Variants in RBFOX3 observed in about 807,000 individuals in gnomAD.
RBFOX3 encodes the protein RNA binding protein fox-1 homolog 3.
A neutral mutation model predicts 48.7 loss-of-function variants in RBFOX3; 17 were observed. That is an observed-to-expected ratio of 0.35 (90% CI 0.24 to 0.52). The LOEUF (loss-of-function observed/expected upper bound fraction) is 0.52. RBFOX3 is among the 20% of genes least tolerant of loss of function. RBFOX3 has a pLI of 0.94. For synonymous variants in RBFOX3, 212 were observed against 209.5 expected, an observed-to-expected ratio of 1.01 and a Z score of -0.10; for missense variants, 382 against 497.5, an observed-to-expected ratio of 0.77 and a Z score of 2.21.
chr17:79,388,166 TAGC>T (rs951537630), intron 2 of RBFOX3, among the ~76,000 whole-genome samples: 2 of 152,140 alleles, frequency 1.3e-5, no homozygotes, highest in South Asian at 2.1e-4. Flanking sequence ...GCATGTGTGT[TAGC>T]AGCTCTCTGA....
At chr17:79,614,361 G>A (rs1006841041), upstream of RBFOX3, among the ~76,000 whole-genome samples, 54 of 152,290 alleles carry the variant, frequency 3.5e-4, no homozygotes, top group South Asian at 2.1e-3. Context: ...GCAGGAGGCC[G>A]GAAGAATCTC....
the RBFOX3 span, among the ~76,000 whole-genome samples, chr17:79,652,232 A>G: frequency 6.6e-6 from 1 of 152,210 alleles, no homozygotes; most frequent in Non-Finnish European, 1.5e-5. Context: ...GAATCCATTA[A>G]TATTGTCACA....
At position 79,362,479 on chromosome 17, in the gene RBFOX3, C is replaced by T. The variant is rs115220784; in HGVS notation, c.-174-54655G>A. On this transcript the variant is annotated intron_variant, in intron 2 of 14. Transcript: ENST00000693108. This position sits in a 1 kb window ranked among gnomAD's most constrained non-coding sequence, Gnocchi z 4.2. Reference sequence around the variant, plus strand: ...GGCGGTGGGCGTGGAAGGCCACCTGCGCTGGGCCTGGATGGCACTAGGCTG... The same window carrying T: ...GGCGGTGGGCGTGGAAGGCCACCTGTGCTGGGCCTGGATGGCACTAGGCTG... Among the ~76,000 whole-genome samples the T allele has an allele frequency of 4.5e-3, 686 of 152,134 alleles. 5 individuals carry two copies. Among genetic ancestry groups the T allele is most frequent in the African/African-American group, 0.016 (647 of 41,498 alleles).
In RBFOX3 at chr17:79,095,496, C is replaced by A; in HGVS notation, c.998+17G>T. 1 of 1,550,064 alleles carries A rather than the reference C, an allele frequency of 6.5e-7. No homozygotes were observed. The highest frequency in any genetic ancestry group is 8.7e-7 in the Non-Finnish European group (1 of 1,145,814). ...CTCCCCACCCTGCTCCAGAACAGTG[C>A]TGGCCCCCGGCCTCACCTGTCGCTG... On this transcript the variant is annotated intron_variant, in intron 13 of 14. Coordinates refer to ENST00000693108, the MANE Select transcript of RBFOX3 (RefSeq NM_001350451.2).
chr17:79,148,628 A>T (rs1338939096), intron 4 of RBFOX3, among the ~76,000 whole-genome samples: 1 of 152,228 alleles, frequency 6.6e-6, no homozygotes, highest in Non-Finnish European at 1.5e-5. Context: ...GGGCCACCTT[A>T]CAGGTTGTTG....
intron 2 of RBFOX3, among the ~76,000 whole-genome samples, chr17:79,469,248 A>G (rs2076758812): frequency 6.6e-6 from 1 of 152,194 alleles, no homozygotes; most frequent in Non-Finnish European, 1.5e-5. Flanking sequence ...CAAGGACTCA[A>G]GCCAGATGAA....
chr17:79,278,801 T>C (rs765378276), intron 3 of RBFOX3, among the ~76,000 whole-genome samples: 2 of 152,198 alleles, frequency 1.3e-5, no homozygotes, highest in South Asian at 2.1e-4. Flanking sequence ...GGGCACATGA[T>C]GCCAGAACGG....
intron 1 of RBFOX3, among the ~76,000 whole-genome samples, chr17:79,548,226 C>T (rs2090725503): frequency 6.6e-6 from 1 of 152,190 alleles, no homozygotes; most frequent in Non-Finnish European, 1.5e-5. Context: ...TCCCGGAGTC[C>T]ACCCAGGAGG....
At chr17:79,144,374 G>A (rs1452058322) in intron 4 of RBFOX3, among the ~76,000 whole-genome samples, 1 of 91,108 alleles carries the variant, frequency 1.1e-5, no homozygotes, top group African/African-American at 3.9e-5. Flanking sequence ...GGCGGGAGAC[G>A]CCTACCACAG....
the RBFOX3 span, among the ~76,000 whole-genome samples, chr17:79,636,247 T>C: frequency 6.6e-6 from 1 of 152,118 alleles, no homozygotes; most frequent in Admixed American, 6.5e-5. Context: ...TAAAATTCCA[T>C]TTATGTAGAG....
intron 4 of RBFOX3, among the ~76,000 whole-genome samples, chr17:79,137,197 G>A (rs112213491): frequency 7.2e-5 from 11 of 151,832 alleles, no homozygotes; most frequent in South Asian, 2.1e-4. Flanking sequence ...GTGCACACAC[G>A]CAGGCCTCGT....
intron 4 of RBFOX3, among the ~76,000 whole-genome samples, chr17:79,230,129 G>A (rs576462282): frequency 5.9e-5 from 9 of 152,322 alleles, no homozygotes; most frequent in East Asian, 1.9e-4. Flanking sequence ...ACAGTGACAC[G>A]CAGTGATGAT....
intron 4 of RBFOX3, among the ~76,000 whole-genome samples, chr17:79,206,530 G>A (rs1202678052): frequency 1.4e-5 from 2 of 142,994 alleles, no homozygotes; most frequent in Non-Finnish European, 3.1e-5. Context: ...GTACAGGGGT[G>A]CAAGAAGTGG....
At chr17:79,537,890 G>C (rs1450334152) in intron 1 of RBFOX3, among the ~76,000 whole-genome samples, 3 of 152,192 alleles carry the variant, frequency 2.0e-5, no homozygotes, top group African/African-American at 7.2e-5. Flanking sequence ...GAGCTGATGG[G>C]GGTGGGGGAG....
At position 79,212,144 on chromosome 17, in the gene RBFOX3, C is replaced by A. The variant is rs565086429; in HGVS notation, c.-34+23622G>T. ...TGGGCATCTTCGACCATGCCAGGGACAAGACAGCAGAAAAATGGCCCCAGG... is the reference window on the plus strand; with the variant it reads ...TGGGCATCTTCGACCATGCCAGGGAAAAGACAGCAGAAAAATGGCCCCAGG... On this transcript the variant is annotated intron_variant, in intron 4 of 14. Transcript: ENST00000693108. The surrounding 1 kb of genome is among the most constrained non-coding windows in gnomAD (Gnocchi z 4.7). 1.0e-3 allele frequency among the ~76,000 whole-genome samples: 158 copies of A among 152,342 alleles called. 1 individual carries two copies. The highest frequency in any genetic ancestry group is 1.6e-3 in the Non-Finnish European group (112 of 68,030).
chr17:79,282,394 G>C (rs947946880), intron 3 of RBFOX3, among the ~76,000 whole-genome samples: 1 of 152,240 alleles, frequency 6.6e-6, no homozygotes, highest in Non-Finnish European at 1.5e-5. Flanking sequence ...TTTTAGAAAA[G>C]GGTTCTTTTC....
chr17:79,425,228 C>T (rs1358525839), intron 2 of RBFOX3, among the ~76,000 whole-genome samples: 3 of 152,200 alleles, frequency 2.0e-5, no homozygotes, highest in East Asian at 1.9e-4. Flanking sequence ...CCTGGAGCAC[C>T]CTCGTCCAGA....
At chr17:79,556,037 A>C (rs2091728402) in intron 1 of RBFOX3, among the ~76,000 whole-genome samples, 1 of 152,176 alleles carries the variant, frequency 6.6e-6, no homozygotes, top group African/African-American at 2.4e-5. Context: ...GAGCAAAAGA[A>C]ATGGAAGATT....
At chr17:79,215,102 A>G (rs1257474248) in intron 4 of RBFOX3, among the ~76,000 whole-genome samples, 1 of 152,060 alleles carries the variant, frequency 6.6e-6, no homozygotes, top group Non-Finnish European at 1.5e-5. Flanking sequence ...CAATGTTCAC[A>G]CACCCCAGGC....
Sources: gnomAD v4.1 joint callset for allele counts (sites outside exome capture counted in the v4.1 genomes callset) on GRCh38, gnomAD v4.1.1 for gene constraint, Gnocchi (gnomAD v3.1) non-coding constraint, MANE v1.5 for transcripts, NCBI Gene and HGNC (gene_info 2026-07-23, HGNC 2026-07-21) for gene names.